CCDC91: variants seen among roughly 807,000 people sequenced by gnomAD.
CCDC91 encodes coiled-coil domain containing 91.
CCDC91 carries 48 observed loss-of-function variants against 63.2 expected under a neutral mutation model. The observed-to-expected ratio is 0.76, with a 90% confidence interval of 0.60 to 0.97. The LOEUF is 0.97. CCDC91 is among the 50% of genes least tolerant of loss of function. CCDC91 has a pLI of 0.00. For missense variants in CCDC91, 500 were observed against 494.6 expected, an observed-to-expected ratio of 1.01 and a Z score of -0.10; for synonymous variants, 167 against 165.8, an observed-to-expected ratio of 1.01 and a Z score of -0.06.
intron 3 of CCDC91, among the ~76,000 whole-genome samples, chr12:28,269,276 C>G (rs1947579416): frequency 1.3e-5 from 2 of 151,996 alleles, no homozygotes; most frequent in Non-Finnish European, 2.9e-5. Context: ...GGTACTTCCT[C>G]TTTGTGGCAG....
At chr12:28,192,843 A>G (rs1392641798) in intron 1 of CCDC91, among the ~76,000 whole-genome samples, 1 of 152,224 alleles carries the variant, frequency 6.6e-6, no homozygotes, top group Non-Finnish European at 1.5e-5. Context: ...TGACAAATGC[A>G]TATAATGGAA....
intron 6 of CCDC91, among the ~76,000 whole-genome samples, chr12:28,325,874 T>C (rs867215200): frequency 3.9e-5 from 6 of 152,096 alleles, no homozygotes; most frequent in Non-Finnish European, 8.8e-5. Flanking sequence ...TTGTGTTTAA[T>C]TTTATATTTT....
At chr12:28,541,744 G>A (rs1259935452) in intron 12 of CCDC91, among the ~76,000 whole-genome samples, 1 of 151,764 alleles carries the variant, frequency 6.6e-6, no homozygotes, top group Non-Finnish European at 1.5e-5. Context: ...TTGTTTTGGA[G>A]CATGTAATCA....
rs1454348310 is a variant in CCDC91, at chr12:28,549,575, CTTATT to C, written c.*405_*409del. The stretch of plus-strand genomic sequence containing the variant: ...TGCTAGAATGTAACCATACATTTAT[CTTATT>C]TTGAGGATAGAAATAGCATGGATTT... On this transcript the variant is annotated 3_prime_UTR_variant, in exon 13 of 13. Transcript: ENST00000536442. The C allele has an allele frequency of 2.6e-5, 4 of 152,570 alleles. No individual in the cohort carries two copies. Among genetic ancestry groups the C allele is most frequent in the African/African-American group, 9.7e-5 (4 of 41,410 alleles). The allele number at this position is 152,570 out of a possible 1,614,324, so 9.5% of individuals were successfully genotyped here.
At chr12:28,497,061 A>G (rs1419156243) in intron 12 of CCDC91, among the ~76,000 whole-genome samples, 2 of 150,716 alleles carry the variant, frequency 1.3e-5, no homozygotes, top group Admixed American at 1.3e-4. Context: ...TGTTAGTTAT[A>G]GTACTTTTTT....
chr12:28,383,675 A>G (rs2139134008), intron 7 of CCDC91, among the ~76,000 whole-genome samples: 1 of 152,256 alleles, frequency 6.6e-6, no homozygotes, highest in Admixed American at 6.5e-5. Context: ...TTAAATCTAA[A>G]TTGAGTGTTT....
At chr12:28,480,056 A>G (rs1023503307) in intron 11 of CCDC91, among the ~76,000 whole-genome samples, 2 of 152,094 alleles carry the variant, frequency 1.3e-5, no homozygotes, top group East Asian at 1.9e-4. Flanking sequence ...ACCTGGTCCC[A>G]GCCTTTCTTT....
At chr12:28,235,564 C>A in intron 1 of CCDC91, among the ~76,000 whole-genome samples, 1 of 146,444 alleles carries the variant, frequency 6.8e-6, no homozygotes. Flanking sequence ...GTTCTCCCAC[C>A]ATTAGGTTTC....
chr12:28,285,650 C>G (rs1466569733), intron 3 of CCDC91, among the ~76,000 whole-genome samples: 1 of 151,590 alleles, frequency 6.6e-6, no homozygotes, highest in East Asian at 1.9e-4. Context: ...TAGATGAACC[C>G]TGCCAGTGTT....
At position 28,428,086 on chromosome 12, in the gene CCDC91, ATCTG is replaced by A. The variant is rs1426800529; in HGVS notation, c.763-22071_763-22068del. 3.9e-5 allele frequency among the ~76,000 whole-genome samples: 6 copies of A among 152,260 alleles called. No homozygotes were observed. In the East Asian group the frequency reaches 5.8e-4, roughly 15 times the overall value. ...GAATACAATTGTTATTTATCAAGCA[ATCTG>A]TCTTTTATTGATATAAGTACTTAAT... On this transcript the variant is annotated intron_variant, in intron 8 of 12. Transcript: ENST00000536442.
At chr12:28,450,131 A>G (rs1949727818) in intron 8 of CCDC91, 30 bp from the exon 9 acceptor site, 1 of 1,286,438 alleles carries the variant, frequency 7.8e-7, no homozygotes, top group Non-Finnish European at 1.1e-6. Flanking sequence ...TCTCAGAGCC[A>G]TAATATAATT....
chr12:28,506,157 T>C (rs1330618834), intron 12 of CCDC91, among the ~76,000 whole-genome samples: 2 of 151,974 alleles, frequency 1.3e-5, no homozygotes, highest in East Asian at 1.9e-4. Flanking sequence ...CAATAGAAAC[T>C]GAATCAGACT....
At chr12:28,507,875 G>A (rs2141240929) in intron 12 of CCDC91, among the ~76,000 whole-genome samples, 1 of 152,064 alleles carries the variant, frequency 6.6e-6, no homozygotes, top group African/African-American at 2.4e-5. Context: ...AAATATAGTT[G>A]CACAAGGGCT....
intron 7 of CCDC91, among the ~76,000 whole-genome samples, chr12:28,379,402 T>A (rs370347435): frequency 6.2e-5 from 9 of 145,712 alleles, no homozygotes; most frequent in African/African-American, 2.3e-4. Flanking sequence ...AGTCTACCCA[T>A]CTGACAAAGG....
intron 12 of CCDC91, among the ~76,000 whole-genome samples, chr12:28,517,540 A>G (rs1940086213): frequency 3.3e-5 from 5 of 152,100 alleles, no homozygotes; most frequent in Admixed American, 3.3e-4. Flanking sequence ...TTTTTGTTCA[A>G]TATTCCATGG....
intron 3 of CCDC91, among the ~76,000 whole-genome samples, chr12:28,261,917 A>AT (rs1946847045): frequency 6.6e-6 from 1 of 151,884 alleles, no homozygotes; most frequent in Non-Finnish European, 1.5e-5. Context: ...CTCTTTCTAG[A>AT]TTTTCTCAGT....
At chr12:28,539,318 T>C (rs1346093230) in intron 12 of CCDC91, among the ~76,000 whole-genome samples, 4 of 152,258 alleles carry the variant, frequency 2.6e-5, no homozygotes, top group Non-Finnish European at 4.4e-5. Context: ...TTCAGCTTTC[T>C]ACATTTGGCT....
intron 8 of CCDC91, among the ~76,000 whole-genome samples, chr12:28,449,825 A>G (rs978359318): frequency 6.6e-6 from 1 of 151,962 alleles, no homozygotes; most frequent in African/African-American, 2.4e-5. Flanking sequence ...TGTTGCTGCA[A>G]GCTAATAATA....
At chr12:28,252,907 C>T (rs1946215303) in intron 1 of CCDC91, among the ~76,000 whole-genome samples, 1 of 152,140 alleles carries the variant, frequency 6.6e-6, no homozygotes, top group Non-Finnish European at 1.5e-5. Context: ...TCTGTTTTAA[C>T]ATATTTAATC....
Sources: allele counts gnomAD v4.1 joint callset (sites outside exome capture counted in the v4.1 genomes callset), GRCh38; gene constraint gnomAD v4.1.1; transcripts MANE v1.5; gene names NCBI Gene and HGNC (gene_info 2026-07-23, HGNC 2026-07-21).